Variants in KIAA0825 observed in about 807,000 individuals in gnomAD.
KIAA0825 encodes the protein uncharacterized protein KIAA0825.
A neutral mutation model predicts 147.6 loss-of-function variants in KIAA0825; 119 were observed. The observed-to-expected ratio is 0.81, with a 90% CI of 0.69 to 0.94. The LOEUF (loss-of-function observed/expected upper bound fraction) is 0.94, where lower values mean the gene tolerates loss of function less well. KIAA0825 is among the 40% of genes least tolerant of loss of function. The pLI, the probability that KIAA0825 is intolerant of heterozygous loss-of-function variation, is 0.00. For missense variants in KIAA0825, 1,381 were observed against 1,472.7 expected, an observed-to-expected ratio of 0.94 and a Z score of 1.02; for synonymous variants, 470 against 518.1, an observed-to-expected ratio of 0.91 and a Z score of 1.26.
intron 3 of KIAA0825, 88 bp from the exon 4 acceptor site, chr5:94,524,186 G>T: frequency 1.4e-6 from 1 of 715,048 alleles, no homozygotes; most frequent in African/African-American, 1.8e-5. Flanking sequence ...ATCTTCATAT[G>T]TGGTACCTGG....
chr5:94,499,105 C>G (rs968638453), intron 5 of KIAA0825, among the ~76,000 whole-genome samples: 4 of 152,094 alleles, frequency 2.6e-5, no homozygotes, highest in Admixed American at 1.3e-4. Context: ...TTGCTCGTGG[C>G]AAAGCAGTTT....
chr5:94,476,213 AG>A (rs1461176240), intron 7 of KIAA0825, among the ~76,000 whole-genome samples: 1 of 152,214 alleles, frequency 6.6e-6, no homozygotes, highest in African/African-American at 2.4e-5. Flanking sequence ...CCATTCAAAA[AG>A]CAGAAACCAC....
chr5:94,203,600 T>A (rs1410711226), intron 20 of KIAA0825, among the ~76,000 whole-genome samples: 1 of 152,122 alleles, frequency 6.6e-6, no homozygotes, highest in Admixed American at 6.5e-5. Flanking sequence ...AGGGACCAGA[T>A]GTTTAAATTT....
At chr5:94,358,074 G>C (rs1299424755) in intron 20 of KIAA0825, among the ~76,000 whole-genome samples, 1 of 152,170 alleles carries the variant, frequency 6.6e-6, no homozygotes, top group African/African-American at 2.4e-5. Flanking sequence ...TTCATAACGA[G>C]ATCGTCATTT....
In KIAA0825 at chr5:94,496,125, C is replaced by T. The variant is rs551314902; in HGVS notation, c.971-11195G>A. Reference sequence around the variant, plus strand: ...CAGTCCCCTCAAAGAGAGGTTGGCACGTGACAGCTCACGGGGCAAATCTGG... The same window carrying T: ...CAGTCCCCTCAAAGAGAGGTTGGCATGTGACAGCTCACGGGGCAAATCTGG... On this transcript the variant is annotated intron_variant, in intron 5 of 20. Transcript: ENST00000682413. Among the ~76,000 whole-genome samples, 11 of 152,214 alleles carry T rather than the reference C, an allele frequency of 7.2e-5. No homozygotes were observed. The South Asian group carries it at 8.3e-4, about 11-fold the overall frequency.
intron 2 of KIAA0825, among the ~76,000 whole-genome samples, chr5:94,563,357 CA>C (rs35396980): frequency 0.45 from 58,393 of 131,044 alleles, 11,844 homozygotes; most frequent in Non-Finnish European, 0.49. Context: ...GACTCCGTCT[CA>C]AAAAAAAAAA....
At chr5:94,511,134 C>T (rs1766416844) in intron 5 of KIAA0825, among the ~76,000 whole-genome samples, 1 of 152,232 alleles carries the variant, frequency 6.6e-6, no homozygotes, top group Non-Finnish European at 1.5e-5. Flanking sequence ...AGAAGACTGC[C>T]TTTATAAGCC....
intron 2 of KIAA0825, among the ~76,000 whole-genome samples, chr5:94,543,373 G>A (rs944385853): frequency 3.9e-5 from 6 of 152,144 alleles, no homozygotes; most frequent in African/African-American, 1.4e-4. Context: ...AGCCCAGGAG[G>A]CAGAGGTTGC....
At chr5:94,187,850 A>G (rs1378284945) in intron 20 of KIAA0825, among the ~76,000 whole-genome samples, 1 of 152,216 alleles carries the variant, frequency 6.6e-6, no homozygotes, top group Non-Finnish European at 1.5e-5. Flanking sequence ...AACAGCCTCA[A>G]CTGTCAAAGA....
chr5:94,359,442 C>T (rs1744751404), intron 20 of KIAA0825, among the ~76,000 whole-genome samples: 1 of 152,112 alleles, frequency 6.6e-6, no homozygotes, highest in Non-Finnish European at 1.5e-5. Context: ...AATTCTTAGA[C>T]TTATTACTAT....
intron 20 of KIAA0825, among the ~76,000 whole-genome samples, chr5:94,362,645 A>G (rs1213237257): frequency 1.4e-5 from 2 of 141,082 alleles, no homozygotes; most frequent in Non-Finnish European, 3.3e-5. Flanking sequence ...ATGAACCTCT[A>G]TTATAGCTAT....
chr5:94,394,637 T>C (rs1750387852), intron 17 of KIAA0825, among the ~76,000 whole-genome samples: 1 of 152,212 alleles, frequency 6.6e-6, no homozygotes, highest in East Asian at 1.9e-4. Flanking sequence ...GGCTACTAAA[T>C]GAGCAGTATC....
At chr5:94,281,790 A>G (rs181085175) in intron 20 of KIAA0825, among the ~76,000 whole-genome samples, 23 of 151,762 alleles carry the variant, frequency 1.5e-4, no homozygotes, top group Admixed American at 1.1e-3. Flanking sequence ...AGATAAATAA[A>G]TTCCCCTTTC....
At chr5:94,537,181 G>A (rs1772211370) in intron 2 of KIAA0825, 54 bp from the exon 3 acceptor site, 2 of 1,433,462 alleles carry the variant, frequency 1.4e-6, no homozygotes, top group Admixed American at 4.5e-5. Flanking sequence ...AATGGCCAGG[G>A]ATAGGGGTGG....
chr5:94,464,286 G>C (rs1002193314), intron 11 of KIAA0825, among the ~76,000 whole-genome samples: 12 of 151,998 alleles, frequency 7.9e-5, no homozygotes, highest in Non-Finnish European at 2.9e-5. Flanking sequence ...CTAGAATTCA[G>C]TCTTATTTAA....
chr5:94,262,822 C>G (rs565211468), intron 20 of KIAA0825, among the ~76,000 whole-genome samples: 5 of 152,152 alleles, frequency 3.3e-5, no homozygotes, highest in African/African-American at 1.2e-4. Context: ...AGAATGTAAG[C>G]ACGACTGTGG....
chr5:94,585,193 T>C (rs1393700202), intron 1 of KIAA0825, among the ~76,000 whole-genome samples: 1 of 152,138 alleles, frequency 6.6e-6, no homozygotes, highest in Admixed American at 6.5e-5. Context: ...CATAACAATA[T>C]TAAACTTAAA....
chr5:94,520,157 G>T, intron 5 of KIAA0825, 91 bp downstream of exon 5: 1 of 1,333,952 alleles, frequency 7.5e-7, no homozygotes. Context: ...CATGTTTGCA[G>T]TGAGATTTAA....
chr5:94,298,535 G>A (rs1054600560), intron 20 of KIAA0825, among the ~76,000 whole-genome samples: 2 of 152,088 alleles, frequency 1.3e-5, no homozygotes, highest in Non-Finnish European at 2.9e-5. Context: ...ATTTCGGGAT[G>A]GAAAAAAATG....
Sources: allele counts gnomAD v4.1 joint callset (sites outside exome capture counted in the v4.1 genomes callset), GRCh38; gene constraint gnomAD v4.1.1; transcripts MANE v1.5; gene names NCBI Gene and HGNC (gene_info 2026-07-23, HGNC 2026-07-21).